BAG6: variants seen among roughly 807,000 people sequenced by gnomAD.
BAG6 encodes large proline-rich protein BAG6.
In BAG6, 22 loss-of-function variants were observed where a neutral mutation model predicts 121.0. That is an observed-to-expected ratio of 0.18 (90% CI 0.13 to 0.26). The LOEUF (loss-of-function observed/expected upper bound fraction) is 0.26. Ranked by LOEUF, BAG6 falls within the 10% of genes least tolerant of loss-of-function variation. The pLI is 1.00. For missense variants in BAG6, 1,233 were observed against 1,537.7 expected (o/e 0.80, Z 3.31); for synonymous variants, 583 against 584.6 (o/e 1.00, Z 0.04).
At position 31,639,153 on chromosome 6, in the gene BAG6, C is replaced by T. The variant is rs562618166; in HGVS notation, c.3467G>A (p.Arg1156Gln). The change falls in exon 26 of 26, where the codon CGG becomes CAG. Residue 1156 changes from arginine to glutamine, a missense_variant. By Grantham distance (43) the Arg-to-Gln change is conservative (BLOSUM62 1). Around this residue, in one of 7 missense-constraint regions of BAG6, gnomAD observed 102 missense variants for 103.2 expected, o/e 0.99. Transcript: ENST00000676615. ...GAGCTAAGGATCATCAGCAAAGGCCCGCTGGGCATTGGGGAAGCGCTGGGG... is the reference window on the plus strand; with the variant it reads ...GAGCTAAGGATCATCAGCAAAGGCCTGCTGGGCATTGGGGAAGCGCTGGGG... ...YSPQRFPNAQRAFADDP is the reference protein window; with the variant it reads ...YSPQRFPNAQQAFADDP 5.4e-5 allele frequency: 87 copies of T among 1,613,868 alleles called. No individual in the cohort carries two copies. The highest frequency in any genetic ancestry group is 4.7e-4 in the Admixed American group (28 of 59,986).
rs1265165978 is a variant in BAG6, at chr6:31,644,585, C to G, written c.1387G>C (p.Gly463Arg). ...CCAGTGGGAGCACTCGGAACACCAC[C>G]AGGCTGTGTGCCAGAATCTGGGCAG... is the stretch of plus-strand genomic sequence containing the variant. Reference protein sequence around the residue: ...MNIQDSGTQPGGVPSAPTGPL... With the variant: ...MNIQDSGTQPRGVPSAPTGPL... Residue 463 changes from glycine to arginine, a missense_variant, in exon 11 of 26, where the codon GGT becomes CGT. Transcript: ENST00000676615. The surrounding 1 kb of genome is among the most constrained non-coding windows in gnomAD (Gnocchi z 4.9). The G allele has an allele frequency of 1.2e-6, 2 of 1,612,634 alleles. No individual in the cohort carries two copies. The highest frequency in any genetic ancestry group is 1.7e-6 in the Non-Finnish European group (2 of 1,179,936).
chr6:31,640,131 T>G lies in BAG6; in HGVS notation c.3246+68A>C. 4 of 1,481,402 alleles carry G rather than the reference T, an allele frequency of 2.7e-6. No homozygotes were observed. Among genetic ancestry groups the G allele is most frequent in the Middle Eastern group, 2.2e-4 (1 of 4,516 alleles). 91.8% of individuals were successfully genotyped at this position (1,481,402 alleles called of 1,614,324 possible). On this transcript the variant is annotated intron_variant, in intron 24 of 25. Transcript: ENST00000676615. The surrounding 1 kb of genome is among the most constrained non-coding windows in gnomAD (Gnocchi z 4.2). ...AACAAGAGCTCCCACCATCTCTACA[T>G]AGTTTGATTCCAGGCATGACGGGGA...
intron 25 of BAG6, 85 bp downstream of exon 25, chr6:31,639,415 G>A (rs1289429176): frequency 1.9e-6 from 3 of 1,547,282 alleles, no homozygotes; most frequent in Non-Finnish European, 2.6e-6. Flanking sequence ...AGGCTGACCA[G>A]TTCATCGCTG....
At chr6:31,648,473 C>T (rs1792638860) in intron 6 of BAG6, among the ~76,000 whole-genome samples, 1 of 152,220 alleles carries the variant, frequency 6.6e-6, no homozygotes, top group South Asian at 2.1e-4. Flanking sequence ...ACAAACTCCC[C>T]AGATACCAGG....
At chr6:31,650,709 A>G (rs1795539650) in intron 2 of BAG6, among the ~76,000 whole-genome samples, 2 of 151,984 alleles carry the variant, frequency 1.3e-5, no homozygotes, top group Non-Finnish European at 2.9e-5. Flanking sequence ...TTTCCTAACT[A>G]CAAACTGACT....
At chr6:31,650,212 C>T (rs1017751701) in intron 2 of BAG6, among the ~76,000 whole-genome samples, 4 of 151,998 alleles carry the variant, frequency 2.6e-5, no homozygotes, top group African/African-American at 9.7e-5. Context: ...GTCTGGCATC[C>T]AAGGGAGTAT....
intron 25 of BAG6, 44 bp from the exon 26 acceptor site, chr6:31,639,270 C>T (rs764335963): frequency 2.2e-5 from 35 of 1,564,298 alleles, no homozygotes; most frequent in Non-Finnish European, 2.9e-5. Flanking sequence ...CTGGCCAAGT[C>T]CCCATGATCC....
Position 31,647,746 on chromosome 6 carries a change from G to A in BAG6, c.633C>T (p.Ser211=), listed in dbSNP as rs1791406401. The change falls in exon 7 of 26, where the codon AGC becomes AGT. Residue 211 remains serine, a synonymous_variant. Coordinates refer to ENST00000676615, the MANE Select transcript of BAG6 (RefSeq NM_001387994.1). The part of the protein sequence containing the change: ...PAVTPEPVAL[S]SQTSEPVESE... ...TTTCAACTGGTTCTGATGTTTGAGA[G>A]CTCAAGGCTACTGGCTCCGGGGTCA... 3 of 1,604,388 alleles carry A rather than the reference G, an allele frequency of 1.9e-6. No individual in the cohort carries two copies. The highest frequency in any genetic ancestry group is 2.5e-6 in the Non-Finnish European group (3 of 1,176,796).
intron 24 of BAG6, chr6:31,639,913 G>A (rs1447021950): frequency 1.6e-6 from 1 of 616,648 alleles, no homozygotes; most frequent in East Asian, 2.8e-5. Context: ...TCAGAGCTAG[G>A]TAATCCACAA....
In BAG6 at chr6:31,645,169, TGTCATG is replaced by T; in HGVS notation, c.1140_1145del (p.Met381_Thr382del). 1 of 1,612,418 alleles carries T rather than the reference TGTCATG, an allele frequency of 6.2e-7. No individual in the cohort carries two copies. Among genetic ancestry groups the T allele is most frequent in the South Asian group, 1.1e-5 (1 of 91,036 alleles). ...TTGGGGGGGGCCGAGTCCCATTTCCTGTCATGGTCACAGTGGTTCCCACATTGATCT... is the reference window on the plus strand; with the variant it reads ...TTGGGGGGGGCCGAGTCCCATTTCCTGTCACAGTGGTTCCCACATTGATCT... On this transcript the variant is annotated inframe_deletion, in exon 10 of 26. Coordinates refer to ENST00000676615, the MANE Select transcript of BAG6 (RefSeq NM_001387994.1).
Position 31,641,598 on chromosome 6 carries a change from G to A in BAG6, c.2506-6C>T. ...ATCAATGTGTGGGTTGCCATCTGTG[G>A]AGGAAACAGAACAGGTTTAGTTCAA... On this transcript the variant is annotated splice_region_variant and splice_polypyrimidine_tract_variant and intron_variant, in intron 17 of 25. Transcript: ENST00000676615. The surrounding 1 kb of genome is among the most constrained non-coding windows in gnomAD (Gnocchi z 5.7). 1 of 1,614,096 alleles carries A rather than the reference G, an allele frequency of 6.2e-7. No individual in the cohort carries two copies. The highest frequency in any genetic ancestry group is 8.5e-7 in the Non-Finnish European group (1 of 1,179,950).
At chr6:31,647,501 A>G in intron 7 of BAG6, 90 bp downstream of exon 7, 1 of 1,566,998 alleles carries the variant, frequency 6.4e-7, no homozygotes, top group Non-Finnish European at 8.6e-7. Context: ...CCTCCAAGTA[A>G]TCCTTTCCCT....
rs1262905846 is a variant in BAG6 at position 31,647,621 on chromosome 6, G to C, written c.758C>G (p.Pro253Arg). Residue 253 changes from proline to arginine, a missense_variant, in exon 7 of 26, where the codon CCA becomes CGA. Pro to Arg is a moderately radical substitution (Grantham distance 103). Around this residue, in one of 7 missense-constraint regions of BAG6, gnomAD observed 777 missense variants for 861.4 expected, o/e 0.90. Transcript: ENST00000676615. ...ELTPGPAPAG[P>R]TPAPETNAPN... ...TGCATTTGTTTCCGGGGCAGGTGTT[G>C]GGCCCGCTGGGGCTGGGCCAGGAGT... The C allele has an allele frequency of 4.4e-6, 7 of 1,607,256 alleles. No individual in the cohort carries two copies. Among genetic ancestry groups the C allele is most frequent in the East Asian group, 2.3e-5 (1 of 44,314 alleles).
In BAG6 at chr6:31,642,369, G is replaced by A. The variant is rs1201546917; in HGVS notation, c.2078C>T (p.Pro693Leu). 13 of 1,104,982 alleles carry A rather than the reference G, an allele frequency of 1.2e-5. No individual in the cohort carries two copies. The highest frequency in any genetic ancestry group is 1.7e-5 in the Non-Finnish European group (13 of 761,680). The allele number at this position is 1,104,982 out of a possible 1,614,324, so 68.4% of individuals were successfully genotyped here. A position where few individuals can be genotyped will look rare whatever the true frequency, so the allele number is the denominator to read the frequency against. ...TQTAPPPPPPPPPPPPAPEQQ... is the reference protein window; with the variant it reads ...TQTAPPPPPPLPPPPPAPEQQ... ...CTCTGGGGCAGGTGGTGGGGGTGGAGGAGGTGGGGGTGGTGGAGGGGCTGT... is the reference window on the plus strand; with the variant it reads ...CTCTGGGGCAGGTGGTGGGGGTGGAAGAGGTGGGGGTGGTGGAGGGGCTGT... The change falls in exon 16 of 26, where the codon CCT becomes CTT. Residue 693 changes from proline to leucine, a missense_variant. Pro to Leu is a moderately conservative substitution (Grantham distance 98). This residue lies in a region of BAG6 where 777 missense variants were observed against 861.4 expected (regional missense o/e 0.90). Coordinates refer to ENST00000676615, the MANE Select transcript of BAG6 (RefSeq NM_001387994.1).
At position 31,640,443 on chromosome 6, in the gene BAG6, C is replaced by T. The variant is rs756230617; in HGVS notation, c.3080G>A (p.Arg1027Gln). The change falls in exon 23 of 26, where the codon CGG (arginine) becomes CAG (glutamine). Residue 1027 changes from arginine (R) to glutamine (Q), a missense_variant. Transcript: ENST00000676615. The surrounding 1 kb of genome is among the most constrained non-coding windows in gnomAD (Gnocchi z 4.2). Reference protein sequence around the residue: ...GPPPAPEGGSRDEQDGASAET... With the variant: ...GPPPAPEGGSQDEQDGASAET... ...AGCTGAAGCTCCATCCTGTTCATCC[C>T]GGGAGCCCCCCTCAGGAGCAGGAGG... 6.2e-6 allele frequency: 10 copies of T among 1,613,740 alleles called. No individual in the cohort carries two copies. Among genetic ancestry groups the T allele is most frequent in the South Asian group, 4.4e-5 (4 of 91,086 alleles).
rs1417335084 is a variant in BAG6, at chr6:31,644,579, C to T, written c.1393G>A (p.Val465Ile). The T allele has an allele frequency of 8.7e-6, 14 of 1,612,558 alleles. No individual in the cohort carries two copies. The highest frequency in any genetic ancestry group is 1.2e-5 in the Non-Finnish European group (14 of 1,179,880). The change falls in exon 11 of 26, where the codon GTT becomes ATT. Residue 465 changes from valine (V) to isoleucine (I), a missense_variant. This residue lies in a region of BAG6 where 777 missense variants were observed against 861.4 expected (regional missense o/e 0.90). Transcript: ENST00000676615. This position sits in a 1 kb window ranked among gnomAD's most constrained non-coding sequence, Gnocchi z 4.9. ...AGGGGGCCAGTGGGAGCACTCGGAACACCACCAGGCTGTGTGCCAGAATCT... is the reference window on the plus strand; with the variant it reads ...AGGGGGCCAGTGGGAGCACTCGGAATACCACCAGGCTGTGTGCCAGAATCT... ...IQDSGTQPGG[V>I]PSAPTGPLGP...
intron 7 of BAG6, 139 bp downstream of exon 7, chr6:31,647,452 G>T: frequency 8.0e-7 from 1 of 1,246,260 alleles, no homozygotes; most frequent in Non-Finnish European, 1.1e-6. Flanking sequence ...TACCGAGAGA[G>T]CCCCTCCTCG....
chr6:31,639,561 C>T lies in BAG6; in HGVS notation c.3332G>A (p.Ser1111Asn). ...CAGGTCCCGGCTCAGGCTCTCGGGG[C>T]TCGTCAGGGGCCGAGCTCCGGCTGC... ...AKAAGARPLTSPESLSRDLEA... is the reference protein window; with the variant it reads ...AKAAGARPLTNPESLSRDLEA... The change falls in exon 25 of 26, where the codon AGC (serine) becomes AAC (asparagine). Residue 1111 changes from serine (S) to asparagine (N), a missense_variant. Transcript: ENST00000676615. 1.2e-6 allele frequency: 2 copies of T among 1,614,196 alleles called. No individual in the cohort carries two copies. The highest frequency in any genetic ancestry group is 1.7e-6 in the Non-Finnish European group (2 of 1,180,022).
At chr6:31,645,724 T>C (rs2150870746) in intron 8 of BAG6, 120 bp from the exon 9 acceptor site, 1 of 1,257,542 alleles carries the variant, frequency 8.0e-7, no homozygotes, top group South Asian at 1.3e-5. Flanking sequence ...AGTTATATCC[T>C]TGGAAGTTTA....
Sources: allele counts gnomAD v4.1 joint callset (sites outside exome capture counted in the v4.1 genomes callset), GRCh38; gene constraint gnomAD v4.1.1; regional missense constraint gnomAD v4.1.1; non-coding constraint Gnocchi (gnomAD v3.1); transcripts MANE v1.5; gene names NCBI Gene and HGNC (gene_info 2026-07-23, HGNC 2026-07-21).